GLT1D1: variants seen among roughly 807,000 people sequenced by gnomAD.
GLT1D1 encodes glycosyltransferase 1 domain-containing protein 1.
Under a neutral mutation model 28.7 loss-of-function variants are expected in GLT1D1, and 21 were observed. The ratio of observed to expected loss-of-function variants is 0.73; its 90% CI spans 0.52 to 1.05. The LOEUF (loss-of-function observed/expected upper bound fraction) is 1.05, where lower values mean the gene tolerates loss of function less well. Among genes scored for constraint, GLT1D1 ranks in the 50% least tolerant of loss-of-function variants. The pLI is 0.00. For synonymous variants in GLT1D1, 147 were observed against 124.8 expected, an observed-to-expected ratio of 1.18 and a Z score of -1.19; for missense variants, 343 against 330.6, an observed-to-expected ratio of 1.04 and a Z score of -0.29.
intron 1 of GLT1D1, among the ~76,000 whole-genome samples, chr12:128,856,994 T>C (rs1010644448): frequency 3.9e-5 from 6 of 151,952 alleles, no homozygotes; most frequent in African/African-American, 1.4e-4. Context: ...AAAACAATGT[T>C]GAGTGACCGA....
intron 4 of GLT1D1, among the ~76,000 whole-genome samples, chr12:128,916,239 A>G (rs1354261178): frequency 1.3e-5 from 2 of 152,184 alleles, no homozygotes; most frequent in Non-Finnish European, 2.9e-5. Context: ...ATTTCATTCC[A>G]TATATCACAA....
At chr12:128,882,616 T>G (rs532959718) in intron 2 of GLT1D1, among the ~76,000 whole-genome samples, 5 of 152,294 alleles carry the variant, frequency 3.3e-5, no homozygotes, top group African/African-American at 1.2e-4. Flanking sequence ...CTTTCATTCC[T>G]TAAGGTATGG....
chr12:128,920,737 A>G (rs183564618), intron 4 of GLT1D1, among the ~76,000 whole-genome samples: 1 of 152,340 alleles, frequency 6.6e-6, no homozygotes, highest in Admixed American at 6.5e-5. Context: ...CGTGAAAACA[A>G]CACATTTTGT....
chr12:128,902,976 C>G (rs1007826496), intron 4 of GLT1D1, among the ~76,000 whole-genome samples: 7 of 148,114 alleles, frequency 4.7e-5, no homozygotes, highest in Non-Finnish European at 1.0e-4. Flanking sequence ...CCCAGGAGGC[C>G]GAGGTTGAAG....
Position 128,984,804 on chromosome 12 carries a change from C to G in GLT1D1, c.*1714C>G, listed in dbSNP as rs1880634004. On this transcript the variant is annotated 3_prime_UTR_variant, in exon 8 of 8. Coordinates refer to ENST00000281703, the MANE Select transcript of GLT1D1 (RefSeq NM_144669.3). ...TTACAAAACACTGATCGTCCGAAAG[C>G]TTGAATCTGTTCCTCCTCGAATGAC... is the stretch of plus-strand genomic sequence containing the variant. The G allele has an allele frequency of 6.6e-6, 1 of 152,272 alleles. No individual in the cohort carries two copies. The highest frequency in any genetic ancestry group is 1.9e-4 in the East Asian group (1 of 5,202). The allele number at this position is 152,272 out of a possible 1,614,324, so 9.4% of individuals were successfully genotyped here.
At chr12:128,860,308 A>G (rs1470155492) in intron 1 of GLT1D1, among the ~76,000 whole-genome samples, 1 of 152,176 alleles carries the variant, frequency 6.6e-6, no homozygotes, top group Non-Finnish European at 1.5e-5. Flanking sequence ...TGAAAATACA[A>G]AAATTAGCCA....
intron 6 of GLT1D1, among the ~76,000 whole-genome samples, chr12:128,952,094 C>T (rs902798389): frequency 2.6e-5 from 4 of 152,092 alleles, no homozygotes; most frequent in Non-Finnish European, 5.9e-5. Context: ...GGAGATGCCG[C>T]AGCGGACAGA....
At chr12:128,946,556 G>C (rs774471837) in intron 5 of GLT1D1, among the ~76,000 whole-genome samples, 2 of 150,222 alleles carry the variant, frequency 1.3e-5, no homozygotes, top group South Asian at 2.1e-4. Context: ...CCATGGTCTC[G>C]ATCTCCTGAC....
At chr12:128,948,316 T>G (rs1334836859) in intron 6 of GLT1D1, among the ~76,000 whole-genome samples, 1 of 152,180 alleles carries the variant, frequency 6.6e-6, no homozygotes, top group Non-Finnish European at 1.5e-5. Context: ...TTCTCTTGTT[T>G]CGTTGTTAGT....
At chr12:128,922,121 C>T (rs1872718060) in intron 4 of GLT1D1, among the ~76,000 whole-genome samples, 1 of 151,582 alleles carries the variant, frequency 6.6e-6, no homozygotes, top group Non-Finnish European at 1.5e-5. Flanking sequence ...ACAGCGTCAG[C>T]TTGTCCCAAT....
At chr12:128,967,849 G>A (rs984165602) in intron 7 of GLT1D1, among the ~76,000 whole-genome samples, 8 of 152,176 alleles carry the variant, frequency 5.3e-5, no homozygotes, top group South Asian at 2.1e-4. Context: ...GCACCAGCCC[G>A]TGCACAGCAC....
At chr12:128,876,436 G>A (rs2135798573) in intron 2 of GLT1D1, among the ~76,000 whole-genome samples, 1 of 151,876 alleles carries the variant, frequency 6.6e-6, no homozygotes, top group East Asian at 1.9e-4. Flanking sequence ...AGCCTCCCAA[G>A]TAGCTGGAAC....
At position 128,984,259 on chromosome 12, in the gene GLT1D1, A is replaced by T. The variant is rs903631183; in HGVS notation, c.*1169A>T. The T allele has an allele frequency of 1.3e-5, 2 of 152,194 alleles. No homozygotes were observed. The highest frequency in any genetic ancestry group is 2.9e-5 in the Non-Finnish European group (2 of 68,032). 9.4% of individuals were successfully genotyped at this position (152,194 alleles called of 1,614,324 possible). A position where few individuals can be genotyped will look rare whatever the true frequency, so the allele number is the denominator to read the frequency against. Reference sequence around the variant, plus strand: ...TTTCGACGCTTAGGAGGGCCGAGGGAGAAGATTCCACCAGCATTGTCCTTG... The same window carrying T: ...TTTCGACGCTTAGGAGGGCCGAGGGTGAAGATTCCACCAGCATTGTCCTTG... On this transcript the variant is annotated 3_prime_UTR_variant, in exon 8 of 8. Coordinates refer to ENST00000281703, the MANE Select transcript of GLT1D1 (RefSeq NM_144669.3).
intron 2 of GLT1D1, among the ~76,000 whole-genome samples, chr12:128,883,589 C>CAGA (rs574309881): frequency 1.4e-4 from 11 of 78,012 alleles, no homozygotes; most frequent in Non-Finnish European, 2.3e-4. Context: ...GACTCCATCT[C>CAGA]AAAAAAAAAA....
At chr12:128,876,323 T>A (rs886423551) in intron 2 of GLT1D1, among the ~76,000 whole-genome samples, 4 of 152,194 alleles carry the variant, frequency 2.6e-5, no homozygotes, top group Non-Finnish European at 5.9e-5. Context: ...ATTTGTTTTT[T>A]TGGGACAGGG....
chr12:128,867,608 T>G (rs1461527296), intron 1 of GLT1D1, among the ~76,000 whole-genome samples: 1 of 151,964 alleles, frequency 6.6e-6, no homozygotes, highest in Non-Finnish European at 1.5e-5. Flanking sequence ...ATCTCACAGA[T>G]CTCCACTTAC....
At chr12:128,954,636 T>C (rs1187945359) in intron 6 of GLT1D1, among the ~76,000 whole-genome samples, 1 of 152,152 alleles carries the variant, frequency 6.6e-6, no homozygotes, top group Non-Finnish European at 1.5e-5. Context: ...CAGGGACAGA[T>C]GTAAATTCTG....
intron 6 of GLT1D1, among the ~76,000 whole-genome samples, chr12:128,953,747 T>G (rs1363169152): frequency 6.8e-6 from 1 of 146,694 alleles, no homozygotes; most frequent in African/African-American, 2.5e-5. Context: ...AAATAGCTTT[T>G]TTTTTTTTTT....
In GLT1D1 at chr12:128,943,164, C is replaced by T. The variant is rs372614771; in HGVS notation, c.376-2162C>T. On this transcript the variant is annotated intron_variant, in intron 4 of 7. Transcript: ENST00000281703. ...TTCTTGGATCAGGAACAAAGAACTCCTTCAGGAAACTCACTTACTGGTCCT... is the reference window on the plus strand; with the variant it reads ...TTCTTGGATCAGGAACAAAGAACTCTTTCAGGAAACTCACTTACTGGTCCT... Among the ~76,000 whole-genome samples the T allele has an allele frequency of 4.6e-5, 7 of 152,300 alleles. 1 individual carries two copies. In the East Asian group the frequency reaches 1.4e-3, roughly 29 times the overall value.
Sources: gnomAD v4.1 joint callset for allele counts (sites outside exome capture counted in the v4.1 genomes callset) on GRCh38, gnomAD v4.1.1 for gene constraint, MANE v1.5 for transcripts, NCBI Gene and HGNC (gene_info 2026-07-23, HGNC 2026-07-21) for gene names.